The following FMN1 variants were observed in gnomAD, a reference collection of about 807,000 sequenced individuals.
FMN1 encodes formin-1.
FMN1 carries 110 observed loss-of-function variants against 132.4 expected under a neutral mutation model. That is an observed-to-expected ratio of 0.83 (90% confidence interval 0.71 to 0.97). FMN1 has a LOEUF of 0.97. Among genes scored for constraint, FMN1 ranks in the 50% least tolerant of loss-of-function variants. FMN1 has a pLI of 0.00. For missense variants in FMN1, 1,792 were observed against 1,705.3 expected (o/e 1.05, Z -0.90); for synonymous variants, 722 against 651.7 (o/e 1.11, Z -1.64).
At chr15:33,060,156 A>G (rs932260955) in intron 6 of FMN1, among the ~76,000 whole-genome samples, 1 of 142,430 alleles carries the variant, frequency 7.0e-6, no homozygotes, top group African/African-American at 2.4e-5. Context: ...AGCAGGCTAC[A>G]GGGGTCTATG....
intron 20 of FMN1, among the ~76,000 whole-genome samples, 164 bp downstream of exon 20, chr15:32,776,671 C>T (rs182835046): frequency 1.4e-4 from 21 of 150,686 alleles, no homozygotes; most frequent in Admixed American, 1.1e-3. Flanking sequence ...ATGTTTTGTA[C>T]CTCCACCCAC....
chr15:32,840,272 G>A (rs1019782676), intron 17 of FMN1, among the ~76,000 whole-genome samples: 1 of 152,198 alleles, frequency 6.6e-6, no homozygotes, highest in Non-Finnish European at 1.5e-5. Context: ...AGAGAAAGCT[G>A]GAGGAAGAAA....
chr15:32,804,366 C>T, intron 17 of FMN1, 34 bp from the exon 18 acceptor site: 2 of 1,312,356 alleles, frequency 1.5e-6, no homozygotes, highest in Middle Eastern at 2.2e-4. Context: ...AAAATTTTTT[C>T]TTCTGTTGTC....
rs1378338118 is a variant in FMN1 at position 32,901,860 on chromosome 15, T to C, written c.3507+51A>G. The C allele has an allele frequency of 3.8e-5, 58 of 1,522,024 alleles. No homozygotes were observed. In the African/African-American group the frequency reaches 7.7e-4, roughly 20 times the overall value. The allele number at this position is 1,522,024 out of a possible 1,614,324, so 94.3% of individuals were successfully genotyped here. A position where few individuals can be genotyped will look rare whatever the true frequency, so the allele number is the denominator to read the frequency against. ...CATTAAAGTGGTCTCTCCCACTTTC[T>C]TCTTTACTCTTCAGAGCAAGGCTAT... On this transcript the variant is annotated intron_variant, in intron 13 of 20. Transcript: ENST00000616417.
At position 33,027,756 on chromosome 15, in the gene FMN1, A is replaced by C. The variant is rs1173283958; in HGVS notation, c.2162-19681T>G. On this transcript the variant is annotated intron_variant, in intron 6 of 20. Transcript: ENST00000616417. ...ATAAAAGAACAAATGAAATGGAGAC[A>C]ACACACACACACGAATATACATACA... 2.6e-5 allele frequency among the ~76,000 whole-genome samples: 4 copies of C among 152,132 alleles called. No individual in the cohort carries two copies. The East Asian group carries it at 7.7e-4, about 29-fold the overall frequency.
chr15:32,803,743 G>C (rs999080881), intron 18 of FMN1, among the ~76,000 whole-genome samples: 3 of 152,138 alleles, frequency 2.0e-5, no homozygotes, highest in Non-Finnish European at 2.9e-5. Flanking sequence ...ATGCCAGGAA[G>C]GATCAAACTG....
intron 17 of FMN1, among the ~76,000 whole-genome samples, chr15:32,831,867 G>C (rs1596034546): frequency 6.6e-6 from 1 of 151,806 alleles, no homozygotes; most frequent in East Asian, 1.9e-4. Flanking sequence ...TGCAAAGAAA[G>C]TTCAATGCTC....
chr15:33,093,510 C>G (rs1055361016), intron 4 of FMN1, among the ~76,000 whole-genome samples: 5 of 152,184 alleles, frequency 3.3e-5, no homozygotes, highest in African/African-American at 9.6e-5. Flanking sequence ...AAAGTATAGT[C>G]TCATGGCTGG....
chr15:33,155,108 A>G (rs1964619515), intron 3 of FMN1, 63 bp from the exon 4 acceptor site: 1 of 552,972 alleles, frequency 1.8e-6, no homozygotes, highest in South Asian at 2.4e-5. Flanking sequence ...ACACACCAAC[A>G]TAAAATCAAA....
intron 17 of FMN1, among the ~76,000 whole-genome samples, chr15:32,804,925 C>T (rs1406387387): frequency 6.6e-6 from 1 of 152,102 alleles, no homozygotes; most frequent in Non-Finnish European, 1.5e-5. Flanking sequence ...GGACATTTGG[C>T]TTGGTTCCAA....
intron 7 of FMN1, among the ~76,000 whole-genome samples, chr15:33,001,235 A>T (rs2034084842): frequency 6.6e-6 from 1 of 152,340 alleles, no homozygotes; most frequent in Admixed American, 6.5e-5. Flanking sequence ...GTGAGCCGAG[A>T]TCACAGCATT....
intron 7 of FMN1, among the ~76,000 whole-genome samples, chr15:33,007,000 A>G (rs927443548): frequency 2.6e-5 from 4 of 152,178 alleles, no homozygotes; most frequent in Non-Finnish European, 5.9e-5. Flanking sequence ...TGGTGACTAT[A>G]GTTCATAACC....
At chr15:32,926,944 C>T (rs1040835923) in intron 9 of FMN1, among the ~76,000 whole-genome samples, 1 of 151,990 alleles carries the variant, frequency 6.6e-6, no homozygotes, top group Non-Finnish European at 1.5e-5. Flanking sequence ...GCCACCACAC[C>T]CAGCTAATTT....
rs551603815 is a variant in FMN1, at chr15:33,122,492, G to A, written c.1867+30556C>T. On this transcript the variant is annotated intron_variant, in intron 4 of 20. Transcript: ENST00000616417. ...TCATCCTTTTACTGCTCAGCCCACA[G>A]TACATTTCATGTATACCTTCTAGAT... Among the ~76,000 whole-genome samples the A allele has an allele frequency of 5.7e-4, 87 of 152,298 alleles. 1 individual carries two copies. Among genetic ancestry groups the A allele is most frequent in the African/African-American group, 2.0e-3 (83 of 41,556 alleles).
chr15:32,899,387 G>A (rs2060240029), intron 14 of FMN1, among the ~76,000 whole-genome samples: 1 of 152,214 alleles, frequency 6.6e-6, no homozygotes, highest in Non-Finnish European at 1.5e-5. Context: ...CAGCCTTTGT[G>A]TCCTGCTCAC....
At chr15:32,793,064 T>C (rs1181676210) in intron 19 of FMN1, among the ~76,000 whole-genome samples, 1 of 152,170 alleles carries the variant, frequency 6.6e-6, no homozygotes, top group Non-Finnish European at 1.5e-5. Flanking sequence ...TAAATCATTC[T>C]TTTAAAAGAA....
chr15:33,059,845 A>C (rs146606790), intron 6 of FMN1, among the ~76,000 whole-genome samples: 69 of 152,332 alleles, frequency 4.5e-4, no homozygotes, highest in African/African-American at 1.6e-3. Flanking sequence ...CCTGAGCCAA[A>C]GATCTTTACT....
intron 6 of FMN1, among the ~76,000 whole-genome samples, chr15:33,053,736 A>C (rs2141189941): frequency 6.6e-6 from 1 of 152,256 alleles, no homozygotes; most frequent in African/African-American, 2.4e-5. Context: ...GAGCTGCCAA[A>C]TGGAGAGGTA....
At chr15:32,986,564 T>C (rs1317297808) in intron 7 of FMN1, among the ~76,000 whole-genome samples, 1 of 152,288 alleles carries the variant, frequency 6.6e-6, no homozygotes, top group East Asian at 1.9e-4. Flanking sequence ...ATTTTAATTA[T>C]ACATGTATAA....
Sources: allele counts gnomAD v4.1 joint callset (sites outside exome capture counted in the v4.1 genomes callset), GRCh38; gene constraint gnomAD v4.1.1; transcripts MANE v1.5; gene names NCBI Gene and HGNC (gene_info 2026-07-23, HGNC 2026-07-21).